CSNK2A2IP: variants seen among roughly 807,000 people sequenced by gnomAD.
The protein encoded by CSNK2A2IP is casein kinase 2 subunit alpha' interacting protein.
the CSNK2A2IP span, among the ~76,000 whole-genome samples, chr3:88,387,664 A>C: frequency 6.6e-6 from 1 of 152,158 alleles, no homozygotes; most frequent in Non-Finnish European, 1.5e-5. Context: ...ACTGCCTTTA[A>C]AAATATTTTA....
At chr3:88,348,260 G>A in the CSNK2A2IP span, among the ~76,000 whole-genome samples, 2 of 151,948 alleles carry the variant, frequency 1.3e-5, no homozygotes, top group East Asian at 3.9e-4. Flanking sequence ...TATGTTCAAA[G>A]GGGTTTGAAT....
the CSNK2A2IP span, among the ~76,000 whole-genome samples, chr3:88,360,626 T>G: frequency 6.6e-6 from 1 of 152,146 alleles, no homozygotes; most frequent in Non-Finnish European, 1.5e-5. Context: ...TCAGGTACTC[T>G]GAATGAATAA....
chr3:88,429,387 T>C, the CSNK2A2IP span, among the ~76,000 whole-genome samples: 1 of 152,224 alleles, frequency 6.6e-6, no homozygotes, highest in African/African-American at 2.4e-5. Flanking sequence ...TCCAAAAGGA[T>C]GCCTGGGAAG....
At chr3:88,448,985 A>C in the CSNK2A2IP span, among the ~76,000 whole-genome samples, 1 of 151,976 alleles carries the variant, frequency 6.6e-6, no homozygotes, top group Admixed American at 6.6e-5. Context: ...TTGACAAGCT[A>C]TATACTTCCT....
chr3:88,368,514 G>T, the CSNK2A2IP span, among the ~76,000 whole-genome samples: 1 of 151,908 alleles, frequency 6.6e-6, no homozygotes, highest in Non-Finnish European at 1.5e-5. Context: ...AGTAATAATT[G>T]AAAATATCTT....
chr3:88,421,381 G>A, the CSNK2A2IP span, among the ~76,000 whole-genome samples: 2 of 151,956 alleles, frequency 1.3e-5, no homozygotes, highest in East Asian at 1.9e-4. Context: ...TACAATTAAG[G>A]TTCCCTATTA....
the CSNK2A2IP span, among the ~76,000 whole-genome samples, chr3:88,387,878 C>T: frequency 6.6e-6 from 1 of 152,092 alleles, no homozygotes; most frequent in East Asian, 1.9e-4. Flanking sequence ...GTTCATGACA[C>T]CACACCCAAC....
At chr3:88,393,958 C>T in the CSNK2A2IP span, among the ~76,000 whole-genome samples, 1 of 152,086 alleles carries the variant, frequency 6.6e-6, no homozygotes, top group African/African-American at 2.4e-5. Context: ...GAAAGCAGCG[C>T]TAGGGGACAA....
chr3:88,349,665 C>T, the CSNK2A2IP span, among the ~76,000 whole-genome samples: 3 of 152,104 alleles, frequency 2.0e-5, no homozygotes, highest in South Asian at 2.1e-4. Flanking sequence ...AGTGGGATTG[C>T]TGAATTGAAT....
the CSNK2A2IP span, among the ~76,000 whole-genome samples, chr3:88,452,287 A>G: frequency 2.0e-5 from 3 of 152,082 alleles, no homozygotes; most frequent in African/African-American, 7.2e-5. Context: ...ATTTCTGAGA[A>G]AATTTTCCTG....
chr3:88,366,432 T>A, the CSNK2A2IP span, among the ~76,000 whole-genome samples: 1 of 152,082 alleles, frequency 6.6e-6, no homozygotes, highest in Non-Finnish European at 1.5e-5. Context: ...GAGAGAAAAA[T>A]TTATTTTTCT....
chr3:88,436,734 T>C, the CSNK2A2IP span, among the ~76,000 whole-genome samples: 12,716 of 152,154 alleles, frequency 0.084, 933 homozygotes, highest in Admixed American at 0.24. Context: ...ATCCTGATAG[T>C]ATATAAAATT....
the CSNK2A2IP span, among the ~76,000 whole-genome samples, chr3:88,459,478 T>C: frequency 1.3e-5 from 2 of 152,084 alleles, no homozygotes; most frequent in Non-Finnish European, 2.9e-5. Context: ...TTTAATAATA[T>C]AATATGCATG....
the CSNK2A2IP span, among the ~76,000 whole-genome samples, chr3:88,358,384 T>C: frequency 4.6e-5 from 7 of 152,206 alleles, no homozygotes; most frequent in Non-Finnish European, 7.3e-5. Flanking sequence ...ATGAAAGTAA[T>C]GAAAATAGGC....
At chr3:88,434,545 C>G in the CSNK2A2IP span, among the ~76,000 whole-genome samples, 3 of 152,014 alleles carry the variant, frequency 2.0e-5, no homozygotes, top group African/African-American at 4.8e-5. Flanking sequence ...ACAAACAACC[C>G]TAAATTCCTA....
chr3:88,411,926 T>C, the CSNK2A2IP span, among the ~76,000 whole-genome samples: 65 of 151,824 alleles, frequency 4.3e-4, 2 homozygotes, highest in South Asian at 0.01. Flanking sequence ...CACCTGTTTC[T>C]CTTTACTTTT....
chr3:88,420,081 A>T, the CSNK2A2IP span, among the ~76,000 whole-genome samples: 1 of 152,170 alleles, frequency 6.6e-6, no homozygotes, highest in African/African-American at 2.4e-5. Context: ...GGTCTGAGAT[A>T]GGGCTTGGAT....
the CSNK2A2IP span, among the ~76,000 whole-genome samples, chr3:88,445,668 C>T: frequency 5.3e-5 from 8 of 151,922 alleles, no homozygotes; most frequent in East Asian, 1.5e-3. Flanking sequence ...AATTGATCCT[C>T]CTGTCCCAGC....
At chr3:88,401,815 A>T in the CSNK2A2IP span, among the ~76,000 whole-genome samples, 1 of 152,068 alleles carries the variant, frequency 6.6e-6, no homozygotes, top group Non-Finnish European at 1.5e-5. Flanking sequence ...AACACAGGGA[A>T]AAAAAGGATA....
Sources: gnomAD v4.1 joint callset for allele counts (sites outside exome capture counted in the v4.1 genomes callset) on GRCh38, gnomAD v4.1.1 for gene constraint, MANE v1.5 for transcripts, NCBI Gene and HGNC (gene_info 2026-07-23, HGNC 2026-07-21) for gene names.